DOCK5: variants seen among roughly 807,000 people sequenced by gnomAD.
DOCK5 encodes the protein dedicator of cytokinesis 5.
A neutral mutation model predicts 251.8 loss-of-function variants in DOCK5; 142 were observed. The observed-to-expected ratio is 0.56, with a 90% confidence interval of 0.49 to 0.65. The LOEUF (loss-of-function observed/expected upper bound fraction) is 0.65, where lower values mean the gene tolerates loss of function less well. DOCK5 is among the 30% of genes least tolerant of loss of function. DOCK5 has a pLI of 0.00. For synonymous variants in DOCK5, 842 were observed against 835.5 expected, an observed-to-expected ratio of 1.01 and a Z score of -0.13; for missense variants, 2,111 against 2,312.3, an observed-to-expected ratio of 0.91 and a Z score of 1.79.
At chr8:25,313,605 G>A (rs1363904985) in intron 13 of DOCK5, among the ~76,000 whole-genome samples, 1 of 152,146 alleles carries the variant, frequency 6.6e-6, no homozygotes, top group Non-Finnish European at 1.5e-5. Context: ...CCACGGACTG[G>A]GTGGCGTCAA....
At position 25,359,040 on chromosome 8, in the gene DOCK5, C is replaced by G. The variant is rs751154890; in HGVS notation, c.2928C>G (p.Phe976Leu). ...ACTATAGCCACTACATCAGCACTTT[C>G]AAAACCAGACAAGACATCATCGTAA... ...DSHYSHYIST[F>L]KTRQDIIDFL... The change falls in exon 28 of 52, where the codon TTC becomes TTG. Residue 976 changes from phenylalanine (F) to leucine (L), a missense_variant. By Grantham distance (22) the Phe-to-Leu change is conservative (BLOSUM62 0). Transcript: ENST00000276440. 4 of 1,613,992 alleles carry G rather than the reference C, an allele frequency of 2.5e-6. No individual in the cohort carries two copies. Among genetic ancestry groups the G allele is most frequent in the Non-Finnish European group, 2.5e-6 (3 of 1,179,860 alleles).
At chr8:25,315,302 G>A (rs972077556) in intron 13 of DOCK5, among the ~76,000 whole-genome samples, 1 of 151,612 alleles carries the variant, frequency 6.6e-6, no homozygotes, top group Non-Finnish European at 1.5e-5. Context: ...ACAGCTGAAA[G>A]GAAAGATTCC....
rs776128042 is a variant in DOCK5, at chr8:25,413,253, ACTCT to A, written c.*1958_*1961del. 6.6e-6 allele frequency: 1 copy of A among 152,052 alleles called. No individual in the cohort carries two copies. Among genetic ancestry groups the A allele is most frequent in the Non-Finnish European group, 1.5e-5 (1 of 68,016 alleles). 9.4% of individuals were successfully genotyped at this position (152,052 alleles called of 1,614,324 possible). A position where few individuals can be genotyped will look rare whatever the true frequency, so the allele number is the denominator to read the frequency against. ...CTGCTAGGCCTGAGTAGGAACTGGAACTCTCTAAGAGCATTACTCATACTTTTTT... is the reference window on the plus strand; with the variant it reads ...CTGCTAGGCCTGAGTAGGAACTGGAACTAAGAGCATTACTCATACTTTTTT... On this transcript the variant is annotated 3_prime_UTR_variant, in exon 52 of 52. Transcript: ENST00000276440.
chr8:25,405,950 T>G (rs942534545), intron 48 of DOCK5, among the ~76,000 whole-genome samples: 2 of 152,100 alleles, frequency 1.3e-5, no homozygotes, highest in African/African-American at 4.8e-5. Context: ...AGTATGTTTA[T>G]TTTTTATTTT....
intron 5 of DOCK5, among the ~76,000 whole-genome samples, chr8:25,281,024 C>T (rs1012536301): frequency 2.7e-4 from 41 of 150,242 alleles, no homozygotes; most frequent in African/African-American, 7.9e-4. Context: ...TGAGTGAGGC[C>T]GACTTTTTTT....
At chr8:25,364,749 G>A in intron 30 of DOCK5, 45 bp downstream of exon 30, 1 of 1,398,736 alleles carries the variant, frequency 7.1e-7, no homozygotes, top group Non-Finnish European at 9.9e-7. Flanking sequence ...TCTTGGCCAT[G>A]GCAAGAGAAC....
chr8:25,226,965 A>G (rs1026889658), intron 1 of DOCK5, among the ~76,000 whole-genome samples: 5 of 152,170 alleles, frequency 3.3e-5, no homozygotes, highest in African/African-American at 1.2e-4. Flanking sequence ...TTAAAAGGTG[A>G]CTAATTATCT....
rs374879449 is a variant in DOCK5, at chr8:25,401,063, A to G, written c.4923A>G (p.Thr1641=). 4 of 1,613,768 alleles carry G rather than the reference A, an allele frequency of 2.5e-6. No individual in the cohort carries two copies. Among genetic ancestry groups the G allele is most frequent in the Non-Finnish European group, 2.5e-6 (3 of 1,179,820 alleles). ...TAGAAAAGCACTATGGGGTTATAAC[A>G]CTGGTAAGCATGATCTAAGTAGCCT... ...EKVEKHYGVI[T]LPPNLTERKQ... is the part of the protein sequence containing the mutation. The change falls in exon 47 of 52, where the codon ACA becomes ACG. Residue 1641 remains threonine (T), a synonymous_variant. Transcript: ENST00000276440.
chr8:25,240,653 T>C (rs1334983092), intron 1 of DOCK5, among the ~76,000 whole-genome samples: 1 of 152,246 alleles, frequency 6.6e-6, no homozygotes, highest in African/African-American at 2.4e-5. Flanking sequence ...TTCTTTTCAT[T>C]GCTGCATAGT....
chr8:25,208,712 G>A (rs939222168), intron 1 of DOCK5, among the ~76,000 whole-genome samples: 1 of 152,144 alleles, frequency 6.6e-6, no homozygotes, highest in Non-Finnish European at 1.5e-5. Context: ...AAATTTGTGT[G>A]ATTGGCTTTA....
chr8:25,285,035 C>T (rs561065852), intron 5 of DOCK5, among the ~76,000 whole-genome samples: 3 of 152,176 alleles, frequency 2.0e-5, no homozygotes, highest in Admixed American at 6.5e-5. Context: ...CTGTTTTGTT[C>T]GTGTAACTTT....
At chr8:25,354,207 G>GA (rs1186231669) in intron 27 of DOCK5, among the ~76,000 whole-genome samples, 3 of 151,834 alleles carry the variant, frequency 2.0e-5, no homozygotes, top group African/African-American at 4.8e-5. Context: ...GATCAAGATG[G>GA]AAAAAAACAG....
intron 18 of DOCK5, among the ~76,000 whole-genome samples, chr8:25,325,990 A>G (rs1298721063): frequency 6.6e-6 from 1 of 151,960 alleles, no homozygotes; most frequent in Non-Finnish European, 1.5e-5. Context: ...TCCCTCCTAT[A>G]TTCTCTTCTT....
chr8:25,278,579 A>G lies in DOCK5; in HGVS notation c.235A>G (p.Thr79Ala). The G allele has an allele frequency of 6.2e-7, 1 of 1,613,886 alleles. No individual in the cohort carries two copies. Among genetic ancestry groups the G allele is most frequent in the Non-Finnish European group, 8.5e-7 (1 of 1,179,848 alleles). Residue 79 changes from threonine to alanine, a missense_variant, in exon 5 of 52, where the codon ACC becomes GCC. Coordinates refer to ENST00000276440, the MANE Select transcript of DOCK5 (RefSeq NM_024940.8). ...TTTGGTTCTTTGTAGGCAGCATGAA[A>G]CCGTGATTCCTGGCGAGCTCCCCCT... The part of the protein sequence containing the change: ...ATVEDLGQHE[T>A]VIPGELPLVQ...
chr8:25,333,251 C>T (rs941560559), intron 20 of DOCK5, among the ~76,000 whole-genome samples: 2 of 152,202 alleles, frequency 1.3e-5, no homozygotes, highest in Admixed American at 6.5e-5. Context: ...AAGCAAGCAT[C>T]GTTTTCACCT....
chr8:25,310,320 T>A, intron 12 of DOCK5, 87 bp from the exon 13 acceptor site: 1 of 1,379,506 alleles, frequency 7.2e-7, no homozygotes. Context: ...GTTGTGACTA[T>A]ACAACTCAAA....
chr8:25,362,452 C>CTTTTTTTTTTTTTTTTTT (rs1563216376), intron 28 of DOCK5, among the ~76,000 whole-genome samples: 2 of 107,080 alleles, frequency 1.9e-5, no homozygotes, highest in Non-Finnish European at 3.9e-5. Flanking sequence ...CTTTTCTTTT[C>CTTTTTTTTTTTTTTTTTT]TTTTCTTTTC....
intron 5 of DOCK5, among the ~76,000 whole-genome samples, chr8:25,285,465 T>C (rs1016334316): frequency 6.6e-6 from 1 of 152,154 alleles, no homozygotes; most frequent in African/African-American, 2.4e-5. Context: ...ATTTAATTGC[T>C]AACATGTAGT....
chr8:25,202,617 C>T (rs774440212), intron 1 of DOCK5, among the ~76,000 whole-genome samples: 4 of 152,156 alleles, frequency 2.6e-5, no homozygotes, highest in Non-Finnish European at 5.9e-5. Context: ...GAGGATCACA[C>T]AGTAGTCCCG....
Sources: gnomAD v4.1 joint callset for allele counts (sites outside exome capture counted in the v4.1 genomes callset) on GRCh38, gnomAD v4.1.1 for gene constraint, MANE v1.5 for transcripts, NCBI Gene and HGNC (gene_info 2026-07-23, HGNC 2026-07-21) for gene names.